ADGRL3: variants seen among roughly 807,000 people sequenced by gnomAD.
ADGRL3 encodes adhesion G protein-coupled receptor L3, also known as calcium-independent alpha-latrotoxin receptor 3.
In ADGRL3, 62 loss-of-function variants were observed where a neutral mutation model predicts 153.5. That is an observed-to-expected ratio of 0.40 (90% CI 0.33 to 0.50). The LOEUF (loss-of-function observed/expected upper bound fraction) is 0.50. Among genes scored for constraint, ADGRL3 ranks in the 20% least tolerant of loss-of-function variants. ADGRL3 has a pLI of 0.47. For synonymous variants in ADGRL3, 710 were observed against 672.5 expected, an observed-to-expected ratio of 1.06 and a Z score of -0.86; for missense variants, 1,641 against 1,859.4, an observed-to-expected ratio of 0.88 and a Z score of 2.16.
At chr4:61,957,911 C>T (rs2150432239) in intron 17 of ADGRL3, among the ~76,000 whole-genome samples, 1 of 152,076 alleles carries the variant, frequency 6.6e-6, no homozygotes, top group African/African-American at 2.4e-5. Context: ...ACACACTCTG[C>T]CTCTTGCTTT....
chr4:61,270,067 A>T (rs914822148), intron 1 of ADGRL3, among the ~76,000 whole-genome samples: 1 of 151,742 alleles, frequency 6.6e-6, no homozygotes, highest in Non-Finnish European at 1.5e-5. Context: ...GTTTAAATGT[A>T]TTTATTAATA....
intron 25 of ADGRL3, among the ~76,000 whole-genome samples, chr4:62,058,262 T>C (rs143518200): frequency 1.3e-5 from 2 of 152,238 alleles, no homozygotes; most frequent in East Asian, 3.9e-4. Flanking sequence ...CCAAATAATA[T>C]ATGATTGATT....
At chr4:61,316,361 A>G (rs554974264) in intron 1 of ADGRL3, among the ~76,000 whole-genome samples, 2 of 152,296 alleles carry the variant, frequency 1.3e-5, no homozygotes, top group Admixed American at 6.5e-5. Flanking sequence ...TTAGGAAGAC[A>G]GGCAGGGTCT....
intron 8 of ADGRL3, among the ~76,000 whole-genome samples, chr4:61,801,395 G>A (rs982052447): frequency 3.3e-5 from 5 of 152,084 alleles, no homozygotes; most frequent in Admixed American, 3.3e-4. Flanking sequence ...TATATGACAT[G>A]ATGTGAAACA....
intron 5 of ADGRL3, among the ~76,000 whole-genome samples, chr4:61,653,205 CACAG>C (rs1175691190): frequency 6.8e-6 from 1 of 148,148 alleles, no homozygotes; most frequent in African/African-American, 2.6e-5. Context: ...CACACACACA[CACAG>C]AGCCATATGA....
chr4:61,342,212 C>T (rs1052260086), intron 1 of ADGRL3, among the ~76,000 whole-genome samples: 15 of 152,056 alleles, frequency 9.9e-5, no homozygotes, highest in African/African-American at 3.6e-4. Context: ...CATTTAACTC[C>T]TTATGTGTAT....
intron 3 of ADGRL3, among the ~76,000 whole-genome samples, chr4:61,510,822 T>G (rs1040878992): frequency 6.6e-6 from 1 of 152,154 alleles, no homozygotes; most frequent in African/African-American, 2.4e-5. Flanking sequence ...TTGGTAGGAA[T>G]AGCATTCAAT....
At chr4:61,627,028 A>G (rs1040442917) in intron 5 of ADGRL3, among the ~76,000 whole-genome samples, 18 of 152,218 alleles carry the variant, frequency 1.2e-4, no homozygotes, top group African/African-American at 4.3e-4. Context: ...TACTTCATCA[A>G]TTCATAATTT....
intron 6 of ADGRL3, among the ~76,000 whole-genome samples, chr4:61,679,553 A>C (rs533199122): frequency 6.6e-6 from 1 of 152,200 alleles, no homozygotes; most frequent in East Asian, 1.9e-4. Context: ...GAAAAGATTT[A>C]CTTATTTAAA....
chr4:61,866,725 G>A (rs1368044475), intron 9 of ADGRL3, among the ~76,000 whole-genome samples: 1 of 152,072 alleles, frequency 6.6e-6, no homozygotes, highest in Non-Finnish European at 1.5e-5. Flanking sequence ...AGACTCTTCT[G>A]GCATTAACTA....
At chr4:61,827,243 G>T (rs1009518987) in intron 9 of ADGRL3, among the ~76,000 whole-genome samples, 7 of 152,176 alleles carry the variant, frequency 4.6e-5, no homozygotes, top group Admixed American at 2.6e-4. Context: ...CACACAATCA[G>T]ATTCTCATGC....
At chr4:61,830,436 T>A (rs1209797045) in intron 9 of ADGRL3, among the ~76,000 whole-genome samples, 3 of 152,298 alleles carry the variant, frequency 2.0e-5, no homozygotes, top group South Asian at 2.1e-4. Flanking sequence ...GCAGAACCTT[T>A]TTACCCTCTT....
chr4:61,488,954 A>C (rs963370886), intron 2 of ADGRL3, among the ~76,000 whole-genome samples: 1 of 151,924 alleles, frequency 6.6e-6, no homozygotes, highest in African/African-American at 2.4e-5. Flanking sequence ...GACCACTCAC[A>C]ATCTTTTATC....
At chr4:61,344,064 T>C (rs750309474) in intron 1 of ADGRL3, among the ~76,000 whole-genome samples, 4 of 152,192 alleles carry the variant, frequency 2.6e-5, no homozygotes, top group Non-Finnish European at 5.9e-5. Context: ...GCACTGATAG[T>C]GGTCCTTTTA....
chr4:61,952,781 C>T (rs1179773223), intron 17 of ADGRL3, among the ~76,000 whole-genome samples: 1 of 152,126 alleles, frequency 6.6e-6, no homozygotes, highest in East Asian at 1.9e-4. Context: ...AGGTAATAAA[C>T]TCAGACTCAG....
chr4:61,933,532 T>C (rs2098826424), intron 13 of ADGRL3, among the ~76,000 whole-genome samples: 2 of 152,104 alleles, frequency 1.3e-5, no homozygotes, highest in African/African-American at 4.8e-5. Context: ...TAAAAAATAA[T>C]CCAAAGCATG....
chr4:61,558,297 G>T (rs2098777841), intron 4 of ADGRL3, among the ~76,000 whole-genome samples: 1 of 150,598 alleles, frequency 6.6e-6, no homozygotes, highest in Non-Finnish European at 1.5e-5. Flanking sequence ...CTTTTAAATA[G>T]TTCTTCTTAT....
At chr4:61,487,957 A>G (rs942217428) in intron 2 of ADGRL3, among the ~76,000 whole-genome samples, 3 of 152,038 alleles carry the variant, frequency 2.0e-5, no homozygotes, top group South Asian at 4.1e-4. Context: ...AGTTGAACGT[A>G]TCAATATAGA....
chr4:61,846,602 A>G (rs13132464), intron 9 of ADGRL3, among the ~76,000 whole-genome samples: 3 of 152,052 alleles, frequency 2.0e-5, no homozygotes, highest in Non-Finnish European at 4.4e-5. Context: ...TTCATGTAGC[A>G]TTTAATTTGT....
Sources: allele counts gnomAD v4.1 joint callset (sites outside exome capture counted in the v4.1 genomes callset), GRCh38; gene constraint gnomAD v4.1.1; transcripts MANE v1.5; gene names NCBI Gene and HGNC (gene_info 2026-07-23, HGNC 2026-07-21).